OSBPL6: variants seen among roughly 807,000 people sequenced by gnomAD.
OSBPL6 encodes the protein oxysterol-binding protein-related protein 6.
OSBPL6 carries 49 observed loss-of-function variants against 125.8 expected under a neutral mutation model. The observed-to-expected ratio is 0.39, with a 90% confidence interval of 0.31 to 0.49. OSBPL6 has a LOEUF of 0.49. OSBPL6 is among the 20% of genes least tolerant of loss of function. The pLI, the probability that OSBPL6 is intolerant of heterozygous loss-of-function variation, is 0.88. For missense variants in OSBPL6, 986 were observed against 1,135.4 expected (o/e 0.87, Z 1.89); for synonymous variants, 394 against 391.8 (o/e 1.01, Z -0.07).
At chr2:178,232,735 G>A (rs1199357699) in intron 1 of OSBPL6, among the ~76,000 whole-genome samples, 1 of 150,856 alleles carries the variant, frequency 6.6e-6, no homozygotes, top group African/African-American at 2.4e-5. Flanking sequence ...CTTATTACCA[G>A]AATATTGAGG....
Position 178,395,793 on chromosome 2 carries a change from A to AT in OSBPL6, c.*234_*235insT. ...TCCTTAAAAAAAAAAAAAAAAAAAA[A>AT]AAAAAAATCCACACCGTCCTTGGAA... On this transcript the variant is annotated 3_prime_UTR_variant, in exon 25 of 25. Transcript: ENST00000190611. 1.9e-6 allele frequency: 1 copy of AT among 522,572 alleles called. No individual in the cohort carries two copies. Among genetic ancestry groups the AT allele is most frequent in the Non-Finnish European group, 3.5e-6 (1 of 282,894 alleles). The allele number at this position is 522,572 out of a possible 1,614,324, so 32.4% of individuals were successfully genotyped here.
intron 1 of OSBPL6, among the ~76,000 whole-genome samples, chr2:178,278,911 G>T (rs1191441555): frequency 2.0e-5 from 3 of 152,172 alleles, no homozygotes; most frequent in African/African-American, 7.2e-5. Context: ...TTGTGCTACA[G>T]ATTTCTAGAA....
chr2:178,289,928 T>C (rs1168623968), intron 2 of OSBPL6, among the ~76,000 whole-genome samples: 2 of 152,236 alleles, frequency 1.3e-5, no homozygotes, highest in Non-Finnish European at 2.9e-5. Flanking sequence ...TTTTGCTGTG[T>C]ACTTTACGTA....
intron 1 of OSBPL6, among the ~76,000 whole-genome samples, chr2:178,272,891 C>A (rs897775536): frequency 6.6e-6 from 1 of 152,150 alleles, no homozygotes; most frequent in East Asian, 1.9e-4. Flanking sequence ...CAGAGAGCAT[C>A]CAGTCTTGAA....
intron 1 of OSBPL6, among the ~76,000 whole-genome samples, chr2:178,283,709 G>A (rs1387849099): frequency 1.3e-5 from 2 of 152,214 alleles, no homozygotes; most frequent in Non-Finnish European, 2.9e-5. Context: ...TCTGCAGGCT[G>A]TATAAGAAGC....
intron 1 of OSBPL6, among the ~76,000 whole-genome samples, chr2:178,209,844 A>C (rs988110318): frequency 6.6e-6 from 1 of 151,824 alleles, no homozygotes; most frequent in African/African-American, 2.4e-5. Flanking sequence ...TGAAGGCTAC[A>C]GGTCTGGCTA....
intron 3 of OSBPL6, among the ~76,000 whole-genome samples, chr2:178,309,274 G>A (rs1246474793): frequency 6.6e-6 from 1 of 151,742 alleles, no homozygotes; most frequent in Non-Finnish European, 1.5e-5. Context: ...TTTATGTACT[G>A]ATCTCCTCAT....
At position 178,210,826 on chromosome 2, in the gene OSBPL6, ACAC is replaced by A. The variant is rs1559119497; in HGVS notation, c.-351+16153_-351+16155del. On this transcript the variant is annotated intron_variant, in intron 1 of 24. Coordinates refer to ENST00000190611, the MANE Select transcript of OSBPL6 (RefSeq NM_032523.4). ...AGACAATGTTTCAAAAAAAAAAAAC[ACAC>A]ACACACACACACACACACACCCCTC... Among the ~76,000 whole-genome samples the A allele has an allele frequency of 7.5e-3, 589 of 78,664 alleles. 4 individuals are homozygous for A. Among genetic ancestry groups the A allele is most frequent in the African/African-American group, 0.027 (552 of 20,148 alleles). 51.6% of individuals were successfully genotyped at this position (78,664 alleles called of 152,430 possible). A position where few individuals can be genotyped will look rare whatever the true frequency, so the allele number is the denominator to read the frequency against.
chr2:178,285,612 A>G (rs1684629784), intron 2 of OSBPL6, among the ~76,000 whole-genome samples: 1 of 152,184 alleles, frequency 6.6e-6, no homozygotes, highest in South Asian at 2.1e-4. Flanking sequence ...TACTAGCAAT[A>G]CTTTTTGTGG....
At chr2:178,368,258 C>T (rs933634299) in intron 13 of OSBPL6, among the ~76,000 whole-genome samples, 2 of 152,074 alleles carry the variant, frequency 1.3e-5, no homozygotes, top group Admixed American at 6.5e-5. Context: ...ACAGCCTGTA[C>T]GATCAAGGCA....
intron 1 of OSBPL6, among the ~76,000 whole-genome samples, chr2:178,270,541 G>A (rs1280993457): frequency 1.3e-5 from 2 of 152,146 alleles, no homozygotes; most frequent in East Asian, 3.8e-4. Flanking sequence ...GAACCGACAT[G>A]GTTCCAGACA....
chr2:178,199,982 A>C (rs1186293344), intron 1 of OSBPL6, among the ~76,000 whole-genome samples: 1 of 152,292 alleles, frequency 6.6e-6, no homozygotes, highest in African/African-American at 2.4e-5. Flanking sequence ...TCTGTGTAAG[A>C]AATATTTTAA....
intron 15 of OSBPL6, among the ~76,000 whole-genome samples, chr2:178,379,851 C>T (rs1216760800): frequency 6.6e-6 from 1 of 152,194 alleles, no homozygotes; most frequent in Non-Finnish European, 1.5e-5. Context: ...TGGGCTTACT[C>T]TGTATGCAAA....
At chr2:178,200,225 G>A (rs1476051200) in intron 1 of OSBPL6, among the ~76,000 whole-genome samples, 1 of 149,038 alleles carries the variant, frequency 6.7e-6, no homozygotes, top group Non-Finnish European at 1.5e-5. Context: ...ATGCAAGCAA[G>A]CAAGGTTCTG....
intron 2 of OSBPL6, among the ~76,000 whole-genome samples, chr2:178,300,493 C>T (rs1559218848): frequency 6.6e-6 from 1 of 152,226 alleles, no homozygotes; most frequent in Non-Finnish European, 1.5e-5. Flanking sequence ...CAGGGTCTCG[C>T]TCTGTCACCT....
intron 5 of OSBPL6, 56 bp from the exon 6 acceptor site, chr2:178,331,496 A>G: frequency 1.3e-6 from 2 of 1,563,156 alleles, no homozygotes; most frequent in Non-Finnish European, 1.8e-6. Context: ...CACATTTGTG[A>G]ATGTTTTATG....
chr2:178,284,093 A>G (rs1215699405), intron 1 of OSBPL6, among the ~76,000 whole-genome samples: 1 of 152,170 alleles, frequency 6.6e-6, no homozygotes, highest in African/African-American at 2.4e-5. Context: ...ATATTCTTTT[A>G]TAGTATGTAT....
rs10204497 is a variant in OSBPL6, at chr2:178,401,400, G to A, written c.*5841G>A. The A allele has an allele frequency of 0.36, 55,443 of 152,056 alleles. 11,164 individuals are homozygous for A. Among genetic ancestry groups the A allele is most frequent in the East Asian group, 0.62 (3,184 of 5,166 alleles). 9.4% of individuals were successfully genotyped at this position (152,056 alleles called of 1,614,324 possible). On this transcript the variant is annotated 3_prime_UTR_variant, in exon 25 of 25. Coordinates refer to ENST00000190611, the MANE Select transcript of OSBPL6 (RefSeq NM_032523.4). ...AGTTACTAAACCTAGTTTTGAAAAAGCAATGGAAATGAAAGTGTCCAGTGA... is the reference window on the plus strand; with the variant it reads ...AGTTACTAAACCTAGTTTTGAAAAAACAATGGAAATGAAAGTGTCCAGTGA...
chr2:178,292,344 G>A (rs1410799719), intron 2 of OSBPL6, among the ~76,000 whole-genome samples: 1 of 152,088 alleles, frequency 6.6e-6, no homozygotes, highest in East Asian at 1.9e-4. Flanking sequence ...CATATCAAAT[G>A]ATTAATGACA....
Sources: allele counts gnomAD v4.1 joint callset (sites outside exome capture counted in the v4.1 genomes callset), GRCh38; gene constraint gnomAD v4.1.1; transcripts MANE v1.5; gene names NCBI Gene and HGNC (gene_info 2026-07-23, HGNC 2026-07-21).